The following SIPA1L1 variants were observed in gnomAD, a reference collection of about 807,000 sequenced individuals.
SIPA1L1 encodes signal-induced proliferation-associated 1-like protein 1.
A neutral mutation model predicts 162.7 loss-of-function variants in SIPA1L1; 26 were observed. The observed-to-expected ratio is 0.16, with a 90% CI of 0.12 to 0.22. SIPA1L1 has a LOEUF of 0.22. Ranked by LOEUF, SIPA1L1 falls within the 10% of genes least tolerant of loss-of-function variation. SIPA1L1 has a pLI of 1.00. For missense variants in SIPA1L1, 1,874 were observed against 2,241.0 expected (o/e 0.84, Z 3.31); for synonymous variants, 829 against 837.4 (o/e 0.99, Z 0.17).
intron 8 of SIPA1L1, among the ~76,000 whole-genome samples, chr14:71,654,682 A>T (rs1206106061): frequency 6.6e-6 from 1 of 152,238 alleles, no homozygotes; most frequent in African/African-American, 2.4e-5. Context: ...GAGGCAGATC[A>T]TGTGATTGTC....
intron 13 of SIPA1L1, among the ~76,000 whole-genome samples, chr14:71,685,980 T>C (rs948987943): frequency 2.6e-5 from 4 of 152,186 alleles, no homozygotes; most frequent in South Asian, 4.1e-4. Flanking sequence ...CTTGACAGTC[T>C]TCATCATTTT....
intron 2 of SIPA1L1, among the ~76,000 whole-genome samples, chr14:71,418,947 C>T (rs959420541): frequency 3.9e-5 from 6 of 152,110 alleles, no homozygotes; most frequent in African/African-American, 1.2e-4. Context: ...ATGTCCTTGG[C>T]TTGAAGGCCA....
intron 2 of SIPA1L1, chr14:71,418,236 G>A (rs1004397744): frequency 6.6e-6 from 1 of 152,152 alleles, no homozygotes; most frequent in African/African-American, 2.4e-5. Context: ...GGAGGGGTGT[G>A]CCTTATTTCT....
intron 4 of SIPA1L1, among the ~76,000 whole-genome samples, chr14:71,550,603 G>T (rs1265428357): frequency 6.6e-6 from 1 of 151,734 alleles, no homozygotes; most frequent in Non-Finnish European, 1.5e-5. Context: ...TCCGTTCTGG[G>T]CTGGTTTCTC....
intron 2 of SIPA1L1, among the ~76,000 whole-genome samples, chr14:71,372,711 G>C (rs1056562290): frequency 1.3e-5 from 2 of 152,096 alleles, no homozygotes; most frequent in Non-Finnish European, 2.9e-5. Flanking sequence ...ATGGTTGTTT[G>C]GCAAGTTATA....
chr14:71,652,289 C>T lies in SIPA1L1; in HGVS notation c.1993+1780C>T, dbSNP rs866335174. Among the ~76,000 whole-genome samples the T allele has an allele frequency of 2.6e-5, 4 of 152,158 alleles. No individual in the cohort carries two copies. The South Asian group carries it at 6.2e-4, about 24-fold the overall frequency. On this transcript the variant is annotated intron_variant, in intron 8 of 23. Coordinates refer to ENST00000381232, the MANE Select transcript of SIPA1L1 (RefSeq NM_001386936.1). Reference sequence around the variant, plus strand: ...TAGGCAACAGCCAGCCTCTGTACACCTCAGCTGCCTCCTACTGGGCTGGAC... The same window carrying T: ...TAGGCAACAGCCAGCCTCTGTACACTTCAGCTGCCTCCTACTGGGCTGGAC...
chr14:71,562,076 A>G (rs538831406), intron 4 of SIPA1L1, among the ~76,000 whole-genome samples: 4 of 152,046 alleles, frequency 2.6e-5, no homozygotes, highest in African/African-American at 9.6e-5. Context: ...TTTCTGAACA[A>G]TTTGTGTAAA....
At chr14:71,633,900 G>A (rs748794769) in intron 7 of SIPA1L1, among the ~76,000 whole-genome samples, 17 of 152,086 alleles carry the variant, frequency 1.1e-4, no homozygotes, top group Non-Finnish European at 2.2e-4. Flanking sequence ...GGCAGGCCTT[G>A]AAAAAGTATT....
rs566652583 is a variant in SIPA1L1, at chr14:71,485,427, C to A, written c.-464-27316C>A. Among the ~76,000 whole-genome samples the A allele has an allele frequency of 1.1e-3, 175 of 152,278 alleles. 1 individual carries two copies. The highest frequency in any genetic ancestry group is 2.1e-3 in the Non-Finnish European group (143 of 68,030). On this transcript the variant is annotated intron_variant, in intron 2 of 23. Coordinates refer to ENST00000381232, the MANE Select transcript of SIPA1L1 (RefSeq NM_001386936.1). The stretch of plus-strand genomic sequence containing the variant: ...ATTGCCCATTACCACCTGAGCTCCG[C>A]CTCTTGTCAGATCAGTGGTGGCATT...
chr14:71,524,127 G>A (rs1178271157), intron 3 of SIPA1L1, among the ~76,000 whole-genome samples: 1 of 142,704 alleles, frequency 7.0e-6, no homozygotes. Context: ...ACATTTATCT[G>A]TTCCTGTCTG....
At position 71,587,981 on chromosome 14, in the gene SIPA1L1, C is replaced by A; in HGVS notation, c.109C>A (p.Arg37=). 1.2e-6 allele frequency: 2 copies of A among 1,614,096 alleles called. No individual in the cohort carries two copies. Among genetic ancestry groups the A allele is most frequent in the African/African-American group, 1.3e-5 (1 of 75,020 alleles). ...AGTCCACACTGATGATTTCTACATG[C>A]GGCGCTTCCGGTCCCAAAATGGCAG... is the stretch of plus-strand genomic sequence containing the variant. ...PKVHTDDFYM[R]RFRSQNGSLG... Residue 37 remains arginine (R), a synonymous_variant, in exon 5 of 24, where the codon CGG becomes AGG. Coordinates refer to ENST00000381232, the MANE Select transcript of SIPA1L1 (RefSeq NM_001386936.1).
intron 8 of SIPA1L1, among the ~76,000 whole-genome samples, chr14:71,654,150 C>T (rs2042865833): frequency 6.6e-6 from 1 of 151,810 alleles, no homozygotes; most frequent in Admixed American, 6.6e-5. Flanking sequence ...TCTTCTTTTT[C>T]CCAGTTATCT....
intron 2 of SIPA1L1, among the ~76,000 whole-genome samples, chr14:71,460,163 C>G (rs2046486010): frequency 6.6e-6 from 1 of 152,210 alleles, no homozygotes; most frequent in African/African-American, 2.4e-5. Context: ...ATACTCATGA[C>G]AATTACAGTC....
At chr14:71,421,603 A>G (rs1395061595) in intron 2 of SIPA1L1, among the ~76,000 whole-genome samples, 1 of 152,186 alleles carries the variant, frequency 6.6e-6, no homozygotes, top group Admixed American at 6.5e-5. Flanking sequence ...TCTTAAAAAA[A>G]TTATAAAATA....
chr14:71,519,723 T>C (rs958747751), intron 3 of SIPA1L1, among the ~76,000 whole-genome samples: 3 of 151,990 alleles, frequency 2.0e-5, no homozygotes, highest in African/African-American at 7.3e-5. Flanking sequence ...TCCTAGCTAC[T>C]CAGGAGACTG....
intron 2 of SIPA1L1, among the ~76,000 whole-genome samples, chr14:71,343,202 A>G (rs1324713696): frequency 1.3e-5 from 2 of 152,186 alleles, no homozygotes; most frequent in Non-Finnish European, 2.9e-5. Flanking sequence ...TATAACCACA[A>G]TAATCCAACA....
chr14:71,470,901 G>A (rs1266387383), intron 2 of SIPA1L1, among the ~76,000 whole-genome samples: 3 of 152,004 alleles, frequency 2.0e-5, no homozygotes, highest in African/African-American at 7.2e-5. Flanking sequence ...GCAGTGGCTT[G>A]ATCACGGCTT....
At chr14:71,600,534 T>A (rs1336639633) in intron 5 of SIPA1L1, among the ~76,000 whole-genome samples, 1 of 152,208 alleles carries the variant, frequency 6.6e-6, no homozygotes, top group Non-Finnish European at 1.5e-5. Flanking sequence ...AATATAATGT[T>A]TCCAGCTTCA....
chr14:71,615,852 C>T (rs1336756502), intron 5 of SIPA1L1, among the ~76,000 whole-genome samples: 2 of 152,014 alleles, frequency 1.3e-5, no homozygotes, highest in Admixed American at 1.3e-4. Flanking sequence ...AAAAATTAGC[C>T]GGGCATGATG....
Sources: allele counts gnomAD v4.1 joint callset (sites outside exome capture counted in the v4.1 genomes callset), GRCh38; gene constraint gnomAD v4.1.1; transcripts MANE v1.5; gene names NCBI Gene and HGNC (gene_info 2026-07-23, HGNC 2026-07-21).